The following MANSC1 variants were observed in gnomAD, a reference collection of about 807,000 sequenced individuals.
MANSC1 encodes MANSC domain-containing protein 1.
A neutral mutation model predicts 14.1 loss-of-function variants in MANSC1; 13 were observed. The ratio of observed to expected loss-of-function variants is 0.92; its 90% CI spans 0.60 to 1.46. The LOEUF (loss-of-function observed/expected upper bound fraction) is 1.46. MANSC1 is among the 40% of genes most tolerant of loss of function. The probability of loss-of-function intolerance (pLI) is 0.00; values close to 1 mark genes in which losing one functional copy is unlikely to be tolerated. For missense variants in MANSC1, 486 were observed against 511.4 expected (o/e 0.95, Z 0.48); for synonymous variants, 227 against 200.7 (o/e 1.13, Z -1.11).
At position 12,327,445 on chromosome 12, in the gene MANSC1, A is replaced by G. The variant is rs1368093108; in HGVS notation, c.*2582T>C. On this transcript the variant is annotated 3_prime_UTR_variant, in exon 4 of 4. Coordinates refer to ENST00000535902, the MANE Select transcript of MANSC1 (RefSeq NM_018050.4). Reference sequence around the variant, plus strand: ...AACCTATATCCTCACGGCCACTAACAGTTTGGGCCCGTAGCATCACTCATC... The same window carrying G: ...AACCTATATCCTCACGGCCACTAACGGTTTGGGCCCGTAGCATCACTCATC... 2 of 152,160 alleles carry G rather than the reference A, an allele frequency of 1.3e-5. No individual in the cohort carries two copies. The highest frequency in any genetic ancestry group is 2.9e-5 in the Non-Finnish European group (2 of 68,078). 9.4% of individuals were successfully genotyped at this position (152,160 alleles called of 1,614,324 possible).
At chr12:12,349,439 A>G (rs770560237) in intron 1 of MANSC1, among the ~76,000 whole-genome samples, 6 of 152,194 alleles carry the variant, frequency 3.9e-5, no homozygotes, top group Non-Finnish European at 5.9e-5. Flanking sequence ...AGAGTTTTAT[A>G]TCATTAAAGA....
At chr12:12,333,179 T>C (rs1414007822) in intron 3 of MANSC1, among the ~76,000 whole-genome samples, 1 of 152,080 alleles carries the variant, frequency 6.6e-6, no homozygotes, top group Non-Finnish European at 1.5e-5. Flanking sequence ...CTTGAGCAGC[T>C]GGGGCCACAA....
chr12:12,340,942 G>T (rs1413459675), intron 2 of MANSC1, among the ~76,000 whole-genome samples: 1 of 152,052 alleles, frequency 6.6e-6, no homozygotes, highest in Admixed American at 6.6e-5. Context: ...ACCATCGAAG[G>T]GATTTTTCCT....
chr12:12,343,438 C>A, intron 1 of MANSC1, 24 bp from the exon 2 acceptor site: 2 of 622,818 alleles, frequency 3.2e-6, no homozygotes, highest in Non-Finnish European at 5.6e-6. Flanking sequence ...GGAAAATCAT[C>A]AATGAGTTTT....
chr12:12,333,059 A>ATATATATATATATTTTTT (rs536426090), intron 3 of MANSC1, among the ~76,000 whole-genome samples: 3 of 150,808 alleles, frequency 2.0e-5, no homozygotes, highest in African/African-American at 7.3e-5. Context: ...ATATATATAT[A>ATATATATATATATTTTTT]TTTTTGAGAC....
At chr12:12,344,571 G>A (rs561572293) in intron 1 of MANSC1, among the ~76,000 whole-genome samples, 59 of 151,662 alleles carry the variant, frequency 3.9e-4, no homozygotes, top group African/African-American at 1.4e-3. Context: ...TTGGGTTCGA[G>A]TGATTCCCCT....
intron 2 of MANSC1, among the ~76,000 whole-genome samples, chr12:12,339,648 C>G (rs777994269): frequency 3.7e-4 from 56 of 152,086 alleles, no homozygotes; most frequent in Non-Finnish European, 6.5e-4. Flanking sequence ...TATCATGGCT[C>G]CTTCCACACA....
At chr12:12,349,662 C>T (rs151236309) in intron 1 of MANSC1, among the ~76,000 whole-genome samples, 83 of 152,328 alleles carry the variant, frequency 5.4e-4, no homozygotes, top group African/African-American at 2.0e-3. Flanking sequence ...TTACAGCACA[C>T]TATAATTTAC....
In MANSC1 at chr12:12,326,445, G is replaced by A. The variant is rs1296771292; in HGVS notation, c.*3582C>T. On this transcript the variant is annotated 3_prime_UTR_variant, in exon 4 of 4. Coordinates refer to ENST00000535902, the MANE Select transcript of MANSC1 (RefSeq NM_018050.4). ...AACCTGTAACAAATGAGGCAGAAGT[G>A]GGACTAGGGCTGGCTGCTGGGCAGC... 6.6e-6 allele frequency: 1 copy of A among 152,248 alleles called. No individual in the cohort carries two copies. The highest frequency in any genetic ancestry group is 1.5e-5 in the Non-Finnish European group (1 of 68,114). The allele number at this position is 152,248 out of a possible 1,614,324, so 9.4% of individuals were successfully genotyped here.
intron 3 of MANSC1, among the ~76,000 whole-genome samples, chr12:12,331,512 C>A (rs905106260): frequency 6.6e-6 from 1 of 152,260 alleles, no homozygotes; most frequent in East Asian, 1.9e-4. Flanking sequence ...GAAAGGTTGG[C>A]AGGGAGAATG....
rs575264912 is a variant in MANSC1 at position 12,343,276 on chromosome 12, C to T, written c.39G>A (p.Leu13=). 4 of 1,614,024 alleles carry T rather than the reference C, an allele frequency of 2.5e-6. No homozygotes were observed. The African/African-American group carries it at 5.3e-5, about 22-fold the overall frequency. The part of the protein sequence containing the change: ...FGGEGSLTYT[L]VIICFLTLRL... ...TTAGTGTCAGGAAGCAAATTATTAC[C>T]AAAGTGTAAGTCAAGCTCCCTTCTC... The change falls in exon 2 of 4, where the codon TTG becomes TTA. Residue 13 remains leucine, a synonymous_variant. Transcript: ENST00000535902.
At chr12:12,348,858 G>A (rs1408530231) in intron 1 of MANSC1, among the ~76,000 whole-genome samples, 1 of 152,110 alleles carries the variant, frequency 6.6e-6, no homozygotes, top group Non-Finnish European at 1.5e-5. Flanking sequence ...TCTATGCTAA[G>A]CACTTTATAT....
rs775390096 is a variant in MANSC1 at position 12,330,180 on chromosome 12, A to T, written c.1143T>A (p.Phe381Leu). 9.9e-6 allele frequency: 16 copies of T among 1,614,080 alleles called. No homozygotes were observed. Among genetic ancestry groups the T allele is most frequent in the Non-Finnish European group, 1.4e-5 (16 of 1,180,042 alleles). ...GGGACCCGATAAGAAGCCATTTTTCAAATGGAAGGCCGTACTGATTTTCTG... is the reference window on the plus strand; with the variant it reads ...GGGACCCGATAAGAAGCCATTTTTCTAATGGAAGGCCGTACTGATTTTCTG... ...SVPENQYGLPFEKWLLIGSLL... is the reference protein window; with the variant it reads ...SVPENQYGLPLEKWLLIGSLL... The change falls in exon 4 of 4, where the codon TTT (phenylalanine) becomes TTA (leucine). Residue 381 changes from phenylalanine (F) to leucine (L), a missense_variant. Phe to Leu is a conservative substitution (Grantham distance 22). Transcript: ENST00000535902.
intron 1 of MANSC1, among the ~76,000 whole-genome samples, chr12:12,344,244 A>G (rs1186525467): frequency 2.0e-5 from 3 of 152,018 alleles, no homozygotes; most frequent in Non-Finnish European, 4.4e-5. Flanking sequence ...ACCAACTGTA[A>G]TGGCTAATAC....
At position 12,346,737 on chromosome 12, in the gene MANSC1, A is replaced by G. The variant is rs76643933; in HGVS notation, c.-100-3323T>C. Reference sequence around the variant, plus strand: ...CAAAATTTAGCTCTAAATGGATCACAGACCTAAATGTAAAATATAAAACCA... The same window carrying G: ...CAAAATTTAGCTCTAAATGGATCACGGACCTAAATGTAAAATATAAAACCA... On this transcript the variant is annotated intron_variant, in intron 1 of 3. Coordinates refer to ENST00000535902, the MANE Select transcript of MANSC1 (RefSeq NM_018050.4). Among the ~76,000 whole-genome samples the G allele has an allele frequency of 4.2e-3, 638 of 152,374 alleles. 4 individuals are homozygous for G. The highest frequency in any genetic ancestry group is 0.014 in the African/African-American group (576 of 41,594).
intron 3 of MANSC1, among the ~76,000 whole-genome samples, chr12:12,334,928 G>A (rs899228434): frequency 6.6e-6 from 1 of 152,090 alleles, no homozygotes; most frequent in South Asian, 2.1e-4. Context: ...GTGTCAACAC[G>A]CAGGCACCCT....
chr12:12,347,422 G>C (rs10845529), intron 1 of MANSC1, among the ~76,000 whole-genome samples: 1 of 151,904 alleles, frequency 6.6e-6, no homozygotes, highest in Admixed American at 6.6e-5. Context: ...TAAATACAGA[G>C]GAAGCTTTGC....
At chr12:12,343,487 T>C (rs533491988) in intron 1 of MANSC1, 73 bp from the exon 2 acceptor site, 41 of 569,598 alleles carry the variant, frequency 7.2e-5, no homozygotes, top group African/African-American at 6.7e-4. Context: ...TTTCATTTCC[T>C]TAAAGTCAAT....
rs1222444451 is a variant in MANSC1, at chr12:12,330,669, C to A, written c.654G>T (p.Leu218=). Residue 218 remains leucine (L), a synonymous_variant, in exon 4 of 4, where the codon CTG becomes CTT. Coordinates refer to ENST00000535902, the MANE Select transcript of MANSC1 (RefSeq NM_018050.4). ...QFSSDQEIAH[L]LPENVSALPA... is the part of the protein sequence containing the mutation. ...GGAGCGCACTCACATTTTCAGGCAG[C>A]AGATGAGCTATTTCTTGATCAGAGG... 1.9e-6 allele frequency: 3 copies of A among 1,614,090 alleles called. No individual in the cohort carries two copies. The African/African-American group carries it at 4.0e-5, about 22-fold the overall frequency.
Sources: allele counts gnomAD v4.1 joint callset (sites outside exome capture counted in the v4.1 genomes callset), GRCh38; gene constraint gnomAD v4.1.1; transcripts MANE v1.5; gene names NCBI Gene and HGNC (gene_info 2026-07-23, HGNC 2026-07-21).